The following KLHL26 variants were observed in gnomAD, a reference collection of about 807,000 sequenced individuals.
KLHL26 encodes the protein kelch like family member 26.
KLHL26 carries 4 observed loss-of-function variants against 7.1 expected under a neutral mutation model. The ratio of observed to expected loss-of-function variants is 0.56; its 90% CI spans 0.28 to 1.28. KLHL26 has a LOEUF of 1.28. KLHL26 is among the 50% of genes most tolerant of loss of function. The pLI is 0.11. For missense variants in KLHL26, 896 were observed against 924.6 expected, an observed-to-expected ratio of 0.97 and a Z score of 0.40; for synonymous variants, 465 against 414.1, an observed-to-expected ratio of 1.12 and a Z score of -1.49.
rs2145407196 is a variant in KLHL26, at chr19:18,664,397, T to A, written c.220T>A (p.Phe74Ile). Residue 74 changes from phenylalanine to isoleucine, a missense_variant, in exon 2 of 3, where the codon TTT (phenylalanine) becomes ATT (isoleucine). Phe to Ile is a conservative substitution (Grantham distance 21). Coordinates refer to ENST00000300976, the MANE Select transcript of KLHL26 (RefSeq NM_018316.3). ...DVVLTINREA[F>I]PAHKVVLAAC... ...TGTGCTGACTATTAACAGAGAGGCC[T>A]TTCCTGCACACAAGGTCGTCCTGGC... 6.2e-7 allele frequency: 1 copy of A among 1,604,482 alleles called. No homozygotes were observed. The highest frequency in any genetic ancestry group is 8.5e-7 in the Non-Finnish European group (1 of 1,176,318).
rs12976741 is a variant in KLHL26 at position 18,656,667 on chromosome 19, G to A, written c.84-7594G>A. ...CGCTGTGTGAGTTGGGCCAACAGGC[G>A]CAACTCACGGCGAGCCCTGTCTGCC... On this transcript the variant is annotated intron_variant, in intron 1 of 2. Coordinates refer to ENST00000300976, the MANE Select transcript of KLHL26 (RefSeq NM_018316.3). The surrounding 1 kb of genome is among the most constrained non-coding windows in gnomAD (Gnocchi z 4.4). Among the ~76,000 whole-genome samples, 69,555 of 149,082 alleles carry A rather than the reference G, an allele frequency of 0.47. 16,906 individuals are homozygous for A. Among genetic ancestry groups the A allele is most frequent in the African/African-American group, 0.62 (25,242 of 40,706 alleles).
chr19:18,648,052 C>G lies in KLHL26; in HGVS notation c.83+10915C>G, dbSNP rs575939519. ...GGCAGGGTTTGGGTGAGCGGCATATCAGTCAGCCTCCTGTTTTGAAAGGAT... is the reference window on the plus strand; with the variant it reads ...GGCAGGGTTTGGGTGAGCGGCATATGAGTCAGCCTCCTGTTTTGAAAGGAT... On this transcript the variant is annotated intron_variant, in intron 1 of 2. Coordinates refer to ENST00000300976, the MANE Select transcript of KLHL26 (RefSeq NM_018316.3). The surrounding 1 kb of genome is among the most constrained non-coding windows in gnomAD (Gnocchi z 4.9). Among the ~76,000 whole-genome samples the G allele has an allele frequency of 5.1e-4, 78 of 152,284 alleles. No homozygotes were observed. Among genetic ancestry groups the G allele is most frequent in the African/African-American group, 1.8e-3 (74 of 41,546 alleles).
intron 1 of KLHL26, among the ~76,000 whole-genome samples, chr19:18,654,719 A>G (rs566987938): frequency 2.0e-5 from 3 of 150,692 alleles, no homozygotes; most frequent in Non-Finnish European, 3.0e-5. Context: ...CCACTCATCC[A>G]TTCACCCCTC....
At chr19:18,657,165 C>T (rs1163089917) in intron 1 of KLHL26, among the ~76,000 whole-genome samples, 1 of 151,768 alleles carries the variant, frequency 6.6e-6, no homozygotes, top group Non-Finnish European at 1.5e-5. Context: ...GTCTCTGTCC[C>T]TCTGTCTCTG....
chr19:18,662,715 G>A (rs1256967902), intron 1 of KLHL26, among the ~76,000 whole-genome samples: 1 of 152,170 alleles, frequency 6.6e-6, no homozygotes, highest in Non-Finnish European at 1.5e-5. Context: ...GGGCTGGATA[G>A]GGGAGAGCGG....
In KLHL26 at chr19:18,668,843, C is replaced by A; in HGVS notation, c.1446C>A (p.Asp482Glu). 1 of 1,592,820 alleles carries A rather than the reference C, an allele frequency of 6.3e-7. No homozygotes were observed. Among genetic ancestry groups the A allele is most frequent in the Non-Finnish European group, 8.5e-7 (1 of 1,175,566 alleles). Reference sequence around the variant, plus strand: ...ACAAGAAGGCCCTGCACTGCTACGACCCCGTGGCCGACCAGTGGGAGTTCA... The same window carrying A: ...ACAAGAAGGCCCTGCACTGCTACGAACCCGTGGCCGACCAGTGGGAGTTCA... ...VEDKKALHCY[D>E]PVADQWEFKA... Residue 482 changes from aspartate to glutamate, a missense_variant, in exon 3 of 3, where the codon GAC (aspartate) becomes GAA (glutamate). Transcript: ENST00000300976.
chr19:18,668,991 T>C lies in KLHL26; in HGVS notation c.1594T>C (p.Tyr532His). The change falls in exon 3 of 3, where the codon TAT (tyrosine) becomes CAT (histidine). Residue 532 changes from tyrosine to histidine, a missense_variant. Tyr to His is a moderately conservative substitution (Grantham distance 83). Transcript: ENST00000300976. ...CTTCGACGTGCTGGCTGTGGAGTAC[T>C]ATGTGCCGGAGACGGACCAGTGGAC... ...RCFDVLAVEYYVPETDQWTSV... is the reference protein window; with the variant it reads ...RCFDVLAVEYHVPETDQWTSV... The C allele has an allele frequency of 6.2e-7, 1 of 1,612,590 alleles. No individual in the cohort carries two copies. Among genetic ancestry groups the C allele is most frequent in the Non-Finnish European group, 8.5e-7 (1 of 1,179,936 alleles).
intron 1 of KLHL26, among the ~76,000 whole-genome samples, chr19:18,655,390 C>A (rs543187686): frequency 6.6e-6 from 1 of 152,174 alleles, no homozygotes; most frequent in African/African-American, 2.4e-5. Flanking sequence ...CACCTGGGAC[C>A]GGGGAGAGGT....
Position 18,669,137 on chromosome 19 carries a change from G to A in KLHL26, c.1740G>A (p.Val580=), listed in dbSNP as rs753109754. 1 of 1,612,928 alleles carries A rather than the reference G, an allele frequency of 6.2e-7. No homozygotes were observed. Among genetic ancestry groups the A allele is most frequent in the South Asian group, 1.1e-5 (1 of 91,090 alleles). The part of the protein sequence containing the change: ...RLNNVTGIVQ[V]YNTDTDEWER... ...ACAACGTCACGGGCATCGTACAGGTGTACAACACGGACACCGACGAGTGGG... is the reference window on the plus strand; with the variant it reads ...ACAACGTCACGGGCATCGTACAGGTATACAACACGGACACCGACGAGTGGG... Residue 580 remains valine (V), a synonymous_variant, in exon 3 of 3, where the codon GTG becomes GTA. Transcript: ENST00000300976.
In KLHL26 at chr19:18,668,766, G is replaced by T; in HGVS notation, c.1369G>T (p.Ala457Ser). ...KRRTWGHAGA[A>S]SGGRLYISGG... ...CCGTACCTGGGGCCATGCTGGGGCC[G>T]CCTCAGGGGGCCGCCTCTACATCTC... Residue 457 changes from alanine (A) to serine (S), a missense_variant, in exon 3 of 3, where the codon GCC becomes TCC. Ala to Ser is a moderately conservative substitution (Grantham distance 99, BLOSUM62 1). Coordinates refer to ENST00000300976, the MANE Select transcript of KLHL26 (RefSeq NM_018316.3). The T allele has an allele frequency of 6.3e-7, 1 of 1,592,164 alleles. No individual in the cohort carries two copies. Among genetic ancestry groups the T allele is most frequent in the South Asian group, 1.1e-5 (1 of 89,980 alleles).
intron 1 of KLHL26, among the ~76,000 whole-genome samples, chr19:18,642,343 G>GTGTGTGTC (rs1976727193): frequency 6.9e-6 from 1 of 145,222 alleles, no homozygotes; most frequent in Admixed American, 6.9e-5. Flanking sequence ...CACCTAGTGT[G>GTGTGTGTC]TGTGTGTGTG....
chr19:18,654,560 T>C (rs2052308238), intron 1 of KLHL26, among the ~76,000 whole-genome samples: 1 of 150,612 alleles, frequency 6.6e-6, no homozygotes, highest in Non-Finnish European at 1.5e-5. Flanking sequence ...TATTCACCCA[T>C]CCATCCATCT....
At chr19:18,642,985 C>T (rs1446723275) in intron 1 of KLHL26, among the ~76,000 whole-genome samples, 1 of 152,008 alleles carries the variant, frequency 6.6e-6, no homozygotes, top group Non-Finnish European at 1.5e-5. Flanking sequence ...CAGTGCACGC[C>T]ACCACGCCCA....
rs909469941 is a variant in KLHL26 at position 18,668,517 on chromosome 19, C to T, written c.1120C>T (p.Arg374Cys). The change falls in exon 3 of 3, where the codon CGC becomes TGC. Residue 374 changes from arginine to cysteine, a missense_variant. Physicochemically the swap from Arg to Cys is radical, Grantham distance 180. Coordinates refer to ENST00000300976, the MANE Select transcript of KLHL26 (RefSeq NM_018316.3). ...GGCCGGGGGGCAGCACCTGCAGTAC[C>T]GCAGCGGCGAGGGCGCAGTGGACGC... ...YVAGGQHLQYRSGEGAVDACY... is the reference protein window; with the variant it reads ...YVAGGQHLQYCSGEGAVDACY... 1 of 1,601,064 alleles carries T rather than the reference C, an allele frequency of 6.2e-7. No individual in the cohort carries two copies. The highest frequency in any genetic ancestry group is 8.5e-7 in the Non-Finnish European group (1 of 1,175,864).
chr19:18,650,322 C>T lies in KLHL26; in HGVS notation c.83+13185C>T, dbSNP rs578110604. On this transcript the variant is annotated intron_variant, in intron 1 of 2. Transcript: ENST00000300976. This position sits in a 1 kb window ranked among gnomAD's most constrained non-coding sequence, Gnocchi z 4.2. ...ATCGTCTGAGAGCGGGACATTTTCC[C>T]GGAGCGGGGTGGAAGGAGTGTCAAG... Among the ~76,000 whole-genome samples the T allele has an allele frequency of 3.3e-5, 5 of 152,172 alleles. No homozygotes were observed. Among genetic ancestry groups the T allele is most frequent in the South Asian group, 4.1e-4 (2 of 4,832 alleles).
chr19:18,652,431 A>G (rs766974875), intron 1 of KLHL26, among the ~76,000 whole-genome samples: 7 of 152,020 alleles, frequency 4.6e-5, no homozygotes, highest in Non-Finnish European at 1.0e-4. Context: ...CTCTATTAAA[A>G]ATACAAAAAT....
In KLHL26 at chr19:18,669,010, A is replaced by G; in HGVS notation, c.1613A>G (p.Gln538Arg). 1.2e-6 allele frequency: 2 copies of G among 1,612,736 alleles called. No individual in the cohort carries two copies. Among genetic ancestry groups the G allele is most frequent in the African/African-American group, 1.3e-5 (1 of 75,040 alleles). Residue 538 changes from glutamine to arginine, a missense_variant, in exon 3 of 3, where the codon CAG (glutamine) becomes CGG (arginine). Physicochemically the swap from Gln to Arg is conservative, Grantham distance 43. Transcript: ENST00000300976. ...GAGTACTATGTGCCGGAGACGGACCAGTGGACCAGCGTGAGCCCCATGCGG... is the reference window on the plus strand; with the variant it reads ...GAGTACTATGTGCCGGAGACGGACCGGTGGACCAGCGTGAGCCCCATGCGG... The part of the protein sequence containing the change: ...AVEYYVPETD[Q>R]WTSVSPMRAG...
chr19:18,642,383 T>TGTGTGTGTGTGTG (rs1320607738), intron 1 of KLHL26, among the ~76,000 whole-genome samples: 10 of 61,604 alleles, frequency 1.6e-4, no homozygotes, highest in East Asian at 1.1e-3. Flanking sequence ...GTGTGTGTGT[T>TGTGTGTGTGTGTG]TGAGATGGAG....
At chr19:18,644,096 G>A (rs1976761306) in intron 1 of KLHL26, among the ~76,000 whole-genome samples, 1 of 152,148 alleles carries the variant, frequency 6.6e-6, no homozygotes, top group South Asian at 2.1e-4. Flanking sequence ...CCCAGCCCCT[G>A]ACAATCACCA....
Sources: allele counts gnomAD v4.1 joint callset (sites outside exome capture counted in the v4.1 genomes callset), GRCh38; gene constraint gnomAD v4.1.1; non-coding constraint Gnocchi (gnomAD v3.1); transcripts MANE v1.5; gene names NCBI Gene and HGNC (gene_info 2026-07-23, HGNC 2026-07-21).